NOTCH2: variants seen among roughly 807,000 people sequenced by gnomAD.
NOTCH2 encodes neurogenic locus notch homolog protein 2.
In NOTCH2, 29 loss-of-function variants were observed where a neutral mutation model predicts 235.8. That is an observed-to-expected ratio of 0.12 (90% CI 0.09 to 0.17). NOTCH2 has a LOEUF of 0.17. NOTCH2 is among the 10% of genes least tolerant of loss of function. The pLI is 1.00. For missense variants in NOTCH2, 2,285 were observed against 3,150.2 expected (o/e 0.73, Z 6.57); for synonymous variants, 1,086 against 1,141.5 (o/e 0.95, Z 0.98).
At chr1:119,996,886 T>G in intron 4 of NOTCH2, 111 bp downstream of exon 4, 1 of 1,346,338 alleles carries the variant, frequency 7.4e-7, no homozygotes, top group Non-Finnish European at 1.0e-6. Context: ...CACACAAAAT[T>G]CTCACTTCCC....
At chr1:119,946,711 A>G (rs1179847744) in intron 17 of NOTCH2, among the ~76,000 whole-genome samples, 1 of 152,070 alleles carries the variant, frequency 6.6e-6, no homozygotes, top group Non-Finnish European at 1.5e-5. Context: ...TATAGGTAAC[A>G]TCTCACTTAA....
chr1:119,941,898 A>C, intron 17 of NOTCH2, 144 bp from the exon 18 acceptor site: 1 of 677,856 alleles, frequency 1.5e-6, no homozygotes, highest in Non-Finnish European at 2.7e-6. Flanking sequence ...TCCCTCATTT[A>C]TGAAAATGAA....
intron 1 of NOTCH2, among the ~76,000 whole-genome samples, chr1:120,038,924 G>A (rs1654428257): frequency 6.6e-6 from 1 of 151,776 alleles, no homozygotes; most frequent in Admixed American, 6.6e-5. Flanking sequence ...TGTGTATTAT[G>A]GTAAAAACTA....
At chr1:120,042,066 T>A in intron 1 of NOTCH2, among the ~76,000 whole-genome samples, 1 of 128,664 alleles carries the variant, frequency 7.8e-6, no homozygotes. Flanking sequence ...TTGTTGCCAC[T>A]CCTGTCTGGA....
chr1:120,037,731 G>A (rs1654369854), intron 1 of NOTCH2, among the ~76,000 whole-genome samples: 2 of 151,160 alleles, frequency 1.3e-5, no homozygotes. Flanking sequence ...TCCTAATAGT[G>A]TTCCAAGGAT....
chr1:120,067,521 T>C (rs1200470597), intron 1 of NOTCH2, among the ~76,000 whole-genome samples: 4 of 152,228 alleles, frequency 2.6e-5, no homozygotes, highest in African/African-American at 9.6e-5. Flanking sequence ...TACAATTATA[T>C]TTATTATTCC....
At chr1:119,954,907 A>T (rs1368924894) in intron 13 of NOTCH2, 133 bp downstream of exon 13, 1 of 845,274 alleles carries the variant, frequency 1.2e-6, no homozygotes, top group Non-Finnish European at 2.0e-6. Flanking sequence ...GAAGGCTTTG[A>T]TGCAGACTAC....
intron 17 of NOTCH2, among the ~76,000 whole-genome samples, chr1:119,943,167 T>C (rs1201996017): frequency 6.6e-6 from 1 of 152,218 alleles, no homozygotes; most frequent in Non-Finnish European, 1.5e-5. Context: ...TTATTTATCT[T>C]ATCACTGCCG....
intron 5 of NOTCH2, among the ~76,000 whole-genome samples, chr1:119,978,361 A>T (rs1298500147): frequency 6.6e-6 from 1 of 151,946 alleles, no homozygotes; most frequent in Non-Finnish European, 1.5e-5. Flanking sequence ...GACAAGGAGG[A>T]CCCATTGAAG....
intron 5 of NOTCH2, among the ~76,000 whole-genome samples, chr1:119,984,696 G>C (rs1651944392): frequency 6.6e-6 from 1 of 152,176 alleles, no homozygotes; most frequent in Non-Finnish European, 1.5e-5. Flanking sequence ...ATGCTACTGA[G>C]AACAAAGGTC....
chr1:119,938,044 A>G, intron 19 of NOTCH2, 34 bp from the exon 20 acceptor site: 3 of 1,607,492 alleles, frequency 1.9e-6, no homozygotes, highest in Non-Finnish European at 2.6e-6. Context: ...ATACATCAAA[A>G]TTCAAATACT....
chr1:119,942,967 G>T (rs1650116536), intron 17 of NOTCH2, among the ~76,000 whole-genome samples: 1 of 151,404 alleles, frequency 6.6e-6, no homozygotes, highest in Non-Finnish European at 1.5e-5. Context: ...CCGCCTCCCG[G>T]GTTCAAGAGA....
At chr1:119,958,714 ATGTGTG>A (rs10546889) in intron 12 of NOTCH2, among the ~76,000 whole-genome samples, 192 of 149,854 alleles carry the variant, frequency 1.3e-3, no homozygotes, top group African/African-American at 3.8e-3. Flanking sequence ...GAGAGAGAAG[ATGTGTG>A]TGTGTGTGTG....
At chr1:119,967,715 G>T in intron 7 of NOTCH2, 94 bp from the exon 8 acceptor site, 1 of 1,077,456 alleles carries the variant, frequency 9.3e-7, no homozygotes, top group Non-Finnish European at 1.4e-6. Flanking sequence ...TAGCATCAGG[G>T]CCAGGCCTTC....
In NOTCH2 at chr1:119,940,671, G is replaced by A. The variant is rs1553196344; in HGVS notation, c.3067C>T (p.Leu1023Phe). Residue 1023 changes from leucine (L) to phenylalanine (F), a missense_variant, in exon 19 of 34, where the codon CTC becomes TTC. By Grantham distance (22) the Leu-to-Phe change is conservative. Around this residue, in one of 6 missense-constraint regions of NOTCH2, gnomAD observed 1,173 missense variants for 1,515.3 expected, o/e 0.77. Coordinates refer to ENST00000256646, the MANE Select transcript of NOTCH2 (RefSeq NM_024408.4). ...CPVGFTGSFC[L>F]HEINECSSHP... ...GAGCTGCATTCATTGATCTCATGGAGGCAGAAGGATCCAGTGAAACCCACA... is the reference window on the plus strand; with the variant it reads ...GAGCTGCATTCATTGATCTCATGGAAGCAGAAGGATCCAGTGAAACCCACA... 1 of 1,613,972 alleles carries A rather than the reference G, an allele frequency of 6.2e-7. No homozygotes were observed.
Position 119,925,313 on chromosome 1 carries a change from C to G in NOTCH2, c.4503G>C (p.Lys1501Asn). 6.2e-7 allele frequency: 1 copy of G among 1,613,826 alleles called. No homozygotes were observed. Among genetic ancestry groups the G allele is most frequent in the Non-Finnish European group, 8.5e-7 (1 of 1,180,036 alleles). The change falls in exon 25 of 34, where the codon AAG becomes AAC. Residue 1501 changes from lysine to asparagine, a missense_variant. Physicochemically the swap from Lys to Asn is moderately conservative, Grantham distance 94. Transcript: ENST00000256646. ...FDNFECQGNSKTCKYDKYCAD... is the reference protein window; with the variant it reads ...FDNFECQGNSNTCKYDKYCAD... Reference sequence around the variant, plus strand: ...AAACGTGAAGCCCTTACTTGCATGTCTTGCTGTTCCCCTGGCATTCAAAGT... The same window carrying G: ...AAACGTGAAGCCCTTACTTGCATGTGTTGCTGTTCCCCTGGCATTCAAAGT...
chr1:119,982,842 T>G (rs1651864275), intron 5 of NOTCH2, among the ~76,000 whole-genome samples: 1 of 152,222 alleles, frequency 6.6e-6, no homozygotes, highest in South Asian at 2.1e-4. Context: ...ACAGCCACAG[T>G]AGGTAAAAAC....
chr1:120,003,726 G>A (rs587700546), intron 3 of NOTCH2, among the ~76,000 whole-genome samples: 1 of 151,994 alleles, frequency 6.6e-6, no homozygotes, highest in South Asian at 2.1e-4. Context: ...AATAAAATGT[G>A]ATACATAAAA....
At chr1:119,917,537 T>C in intron 33 of NOTCH2, 128 bp downstream of exon 33, 2 of 756,184 alleles carry the variant, frequency 2.6e-6, no homozygotes, top group South Asian at 1.4e-5. Context: ...CGAAACCCAG[T>C]GTCTGCCCAA....
Sources: gnomAD v4.1 joint callset for allele counts (sites outside exome capture counted in the v4.1 genomes callset) on GRCh38, gnomAD v4.1.1 for gene constraint, gnomAD v4.1.1 regional missense constraint, MANE v1.5 for transcripts, NCBI Gene and HGNC (gene_info 2026-07-23, HGNC 2026-07-21) for gene names.